Variants in KCNG2 observed in about 807,000 individuals in gnomAD.
KCNG2 encodes voltage-gated potassium channel regulatory subunit KCNG2.
A neutral mutation model predicts 12.3 loss-of-function variants in KCNG2; 7 were observed. The ratio of observed to expected loss-of-function variants is 0.57; its 90% CI spans 0.32 to 1.07. The LOEUF (loss-of-function observed/expected upper bound fraction) is 1.07. Ranked by LOEUF, KCNG2 falls within the 50% of genes least tolerant of loss-of-function variation. KCNG2 has a pLI of 0.04. For synonymous variants in KCNG2, 414 were observed against 351.4 expected (o/e 1.18, Z -1.99); for missense variants, 703 against 726.0 (o/e 0.97, Z 0.36).
At chr18:79,871,165 G>A (rs956304630) in intron 3 of KCNG2, among the ~76,000 whole-genome samples, 5 of 152,236 alleles carry the variant, frequency 3.3e-5, no homozygotes, top group Non-Finnish European at 1.5e-5. Context: ...ACAGGCCTCC[G>A]GGGTCCGCCG....
At chr18:79,823,251 C>A (rs1290662208) in intron 1 of KCNG2, among the ~76,000 whole-genome samples, 2 of 152,240 alleles carry the variant, frequency 1.3e-5, no homozygotes, top group East Asian at 3.8e-4. Flanking sequence ...ACTCAGCGAC[C>A]TTGCTCTGTG....
chr18:79,899,295 C>G lies in KCNG2; in HGVS notation c.880C>G (p.Arg294Gly), dbSNP rs1189939395. 6.4e-7 allele frequency: 1 copy of G among 1,568,396 alleles called. No individual in the cohort carries two copies. Among genetic ancestry groups the G allele is most frequent in the Admixed American group, 1.8e-5 (1 of 54,664 alleles). The change falls in exon 4 of 4, where the codon CGC becomes GGC. Residue 294 changes from arginine (R) to glycine (G), a missense_variant. Arg to Gly is a moderately radical substitution (Grantham distance 125, BLOSUM62 -2). Coordinates refer to ENST00000316249, the MANE Select transcript of KCNG2 (RefSeq NM_012283.2). ...GLVLRLLRAL[R>G]VLYVMRLARH... ...GGTGCTGCGGCTGCTGCGTGCGCTG[C>G]GCGTGCTCTACGTGATGCGCCTGGC...
chr18:79,885,881 C>G (rs1183474438), intron 3 of KCNG2, among the ~76,000 whole-genome samples: 1 of 20,056 alleles, frequency 5.0e-5, no homozygotes, highest in African/African-American at 1.3e-4. Flanking sequence ...GACGTGGGGA[C>G]GGGGACATGG....
chr18:79,834,023 G>T (rs1364568708), intron 1 of KCNG2, among the ~76,000 whole-genome samples: 1 of 152,258 alleles, frequency 6.6e-6, no homozygotes, highest in Non-Finnish European at 1.5e-5. Context: ...CTGGCCAGGG[G>T]ACGGTGGGCT....
intron 1 of KCNG2, among the ~76,000 whole-genome samples, chr18:79,813,900 C>T (rs778864286): frequency 3.3e-5 from 5 of 152,168 alleles, no homozygotes; most frequent in African/African-American, 7.2e-5. Context: ...TCTAAATCAC[C>T]GGTAAACAAA....
chr18:79,899,542 T>A lies in KCNG2; in HGVS notation c.1127T>A (p.Val376Asp), dbSNP rs780985473. ...SMTTVGYGDM[V>D]PRSLPGQVVA... is the part of the protein sequence containing the mutation. ...ACCACCGTGGGCTACGGCGACATGG[T>A]CCCGCGCAGCCTGCCCGGGCAGGTG... The change falls in exon 4 of 4, where the codon GTC (valine) becomes GAC (aspartate). Residue 376 changes from valine to aspartate, a missense_variant. Coordinates refer to ENST00000316249, the MANE Select transcript of KCNG2 (RefSeq NM_012283.2). 1 of 1,604,844 alleles carries A rather than the reference T, an allele frequency of 6.2e-7. No individual in the cohort carries two copies. The highest frequency in any genetic ancestry group is 8.5e-7 in the Non-Finnish European group (1 of 1,176,456).
At chr18:79,858,213 G>C (rs956009948) in intron 2 of KCNG2, among the ~76,000 whole-genome samples, 14 of 152,112 alleles carry the variant, frequency 9.2e-5, no homozygotes, top group African/African-American at 3.1e-4. Flanking sequence ...TGTTGACCAA[G>C]CTGGTCTCAA....
chr18:79,895,091 CTG>C (rs143237335), intron 3 of KCNG2, among the ~76,000 whole-genome samples: 4,763 of 151,776 alleles, frequency 0.031, 282 homozygotes, highest in African/African-American at 0.11. Context: ...ATAGCTGCGT[CTG>C]TGTCTGCTTT....
chr18:79,897,130 GTT>G (rs35142950), intron 3 of KCNG2, among the ~76,000 whole-genome samples: 2 of 150,134 alleles, frequency 1.3e-5, no homozygotes, highest in African/African-American at 4.9e-5. Flanking sequence ...TTAAAAAATT[GTT>G]TTTTTTTTCA....
chr18:79,863,183 C>T (rs1044618532), intron 2 of KCNG2, among the ~76,000 whole-genome samples: 37 of 152,242 alleles, frequency 2.4e-4, no homozygotes, highest in African/African-American at 8.7e-4. Context: ...CCAGCAGGTC[C>T]CCTGGCTGAT....
chr18:79,813,509 G>A (rs1380193870), intron 1 of KCNG2, among the ~76,000 whole-genome samples: 2 of 152,242 alleles, frequency 1.3e-5, no homozygotes, highest in African/African-American at 4.8e-5. Flanking sequence ...GCCTTTTCAA[G>A]AAATGTTGTA....
At chr18:79,885,756 G>A (rs1486305618) in intron 3 of KCNG2, among the ~76,000 whole-genome samples, 1 of 152,156 alleles carries the variant, frequency 6.6e-6, no homozygotes, top group Non-Finnish European at 1.5e-5. Flanking sequence ...ATGCCTGTGG[G>A]GACACAGGGA....
rs116119186 is a variant in KCNG2, at chr18:79,889,765, G to A, written c.625-9275G>A. ...CCTGATCGTCCTGGCTGGAACATCC[G>A]GTACAGAGTCCACTGGAAGTGACGA... is the stretch of plus-strand genomic sequence containing the variant. On this transcript the variant is annotated intron_variant, in intron 3 of 3. Coordinates refer to ENST00000316249, the MANE Select transcript of KCNG2 (RefSeq NM_012283.2). 1.2e-3 allele frequency among the ~76,000 whole-genome samples: 177 copies of A among 152,284 alleles called. 1 individual carries two copies. In the East Asian group the frequency reaches 0.014, roughly 12 times the overall value.
rs886769239 is a variant in KCNG2, at chr18:79,884,500, G to A, written c.625-14540G>A. On this transcript the variant is annotated intron_variant, in intron 3 of 3. Coordinates refer to ENST00000316249, the MANE Select transcript of KCNG2 (RefSeq NM_012283.2). This position sits in a 1 kb window ranked among gnomAD's most constrained non-coding sequence, Gnocchi z 5.5. The stretch of plus-strand genomic sequence containing the variant: ...AGCCCCGGCCACTGGGTCCCCGGGG[G>A]AGAGCCAGGCTGTGATGTCCCGATG... 1.9e-4 allele frequency among the ~76,000 whole-genome samples: 29 copies of A among 152,296 alleles called. No individual in the cohort carries two copies. Among genetic ancestry groups the A allele is most frequent in the Middle Eastern group, 3.4e-3 (1 of 294 alleles).
intron 1 of KCNG2, among the ~76,000 whole-genome samples, chr18:79,832,402 C>T (rs947046404): frequency 1.3e-5 from 2 of 150,752 alleles, no homozygotes; most frequent in Admixed American, 1.3e-4. Flanking sequence ...CACCTGCTCT[C>T]ATCTGTCCAT....
At chr18:79,881,197 G>C (rs185152109) in intron 3 of KCNG2, among the ~76,000 whole-genome samples, 6 of 152,358 alleles carry the variant, frequency 3.9e-5, no homozygotes, top group Admixed American at 3.3e-4. Context: ...GAAAGCAAGA[G>C]AATAGAACTG....
intron 1 of KCNG2, among the ~76,000 whole-genome samples, chr18:79,849,059 G>A (rs867736976): frequency 6.6e-6 from 1 of 152,236 alleles, no homozygotes; most frequent in African/African-American, 2.4e-5. Context: ...CTGGGCCCGC[G>A]TTCTCCCTCC....
At position 79,816,538 on chromosome 18, in the gene KCNG2, AC is replaced by A. The variant is rs1412448665; in HGVS notation, c.-115+18525del. The A allele has an allele frequency of 2.6e-5, 4 of 152,322 alleles. No homozygotes were observed. In the East Asian group the frequency reaches 7.7e-4, roughly 29 times the overall value. The allele number at this position is 152,322 out of a possible 1,614,324, so 9.4% of individuals were successfully genotyped here. A position where few individuals can be genotyped will look rare whatever the true frequency, so the allele number is the denominator to read the frequency against. ...TTCAAAGTTGGTTTTCCAAATGTGG[AC>A]GGTGTGGGAATGAGACATTTGAGTT... On this transcript the variant is annotated intron_variant, in intron 1 of 3. Coordinates refer to ENST00000316249, the MANE Select transcript of KCNG2 (RefSeq NM_012283.2).
chr18:79,885,372 C>A (rs1980484170), intron 3 of KCNG2, among the ~76,000 whole-genome samples: 1 of 152,194 alleles, frequency 6.6e-6, no homozygotes, highest in Non-Finnish European at 1.5e-5. Context: ...CAATCAGGGT[C>A]TGTTTTCTGG....
Sources: gnomAD v4.1 joint callset for allele counts (sites outside exome capture counted in the v4.1 genomes callset) on GRCh38, gnomAD v4.1.1 for gene constraint, Gnocchi (gnomAD v3.1) non-coding constraint, MANE v1.5 for transcripts, NCBI Gene and HGNC (gene_info 2026-07-23, HGNC 2026-07-21) for gene names.